TWSG1: variants seen among roughly 807,000 people sequenced by gnomAD.
TWSG1 encodes the protein twisted gastrulation BMP signaling modulator 1.
A neutral mutation model predicts 23.0 loss-of-function variants in TWSG1; 15 were observed. The ratio of observed to expected loss-of-function variants is 0.65; its 90% confidence interval spans 0.44 to 1.00. The LOEUF (loss-of-function observed/expected upper bound fraction) is 1.00, where lower values mean the gene tolerates loss of function less well. Ranked by LOEUF, TWSG1 falls within the 50% of genes least tolerant of loss-of-function variation. The probability of loss-of-function intolerance (pLI) is 0.00; values close to 1 mark genes in which losing one functional copy is unlikely to be tolerated. For missense variants in TWSG1, 242 were observed against 278.7 expected (o/e 0.87, Z 0.94); for synonymous variants, 86 against 92.8 (o/e 0.93, Z 0.42).
intron 3 of TWSG1, among the ~76,000 whole-genome samples, chr18:9,362,242 A>G (rs1471508913): frequency 6.6e-6 from 1 of 152,048 alleles, no homozygotes; most frequent in Non-Finnish European, 1.5e-5. Context: ...GGGTCTTGCT[A>G]TGTTGCCTAG....
In TWSG1 at chr18:9,343,507, C is replaced by T. The variant is rs182929947; in HGVS notation, c.123+6155C>T. On this transcript the variant is annotated intron_variant, in intron 2 of 4. Coordinates refer to ENST00000262120, the MANE Select transcript of TWSG1 (RefSeq NM_020648.6). ...TTGGCATATCGACAGACTTGTGCAA[C>T]CATCACCACAATCTAATTTCAGAAC... 2.4e-3 allele frequency among the ~76,000 whole-genome samples: 367 copies of T among 151,998 alleles called. 1 individual carries two copies. The highest frequency in any genetic ancestry group is 6.8e-3 in the Middle Eastern group (2 of 294).
At chr18:9,383,677 A>C (rs972853259) in intron 3 of TWSG1, among the ~76,000 whole-genome samples, 2 of 152,176 alleles carry the variant, frequency 1.3e-5, no homozygotes, top group East Asian at 3.8e-4. Context: ...TTGGAGGGAA[A>C]CTGTCAGAGT....
intron 3 of TWSG1, among the ~76,000 whole-genome samples, chr18:9,382,659 T>C (rs1198110690): frequency 6.6e-6 from 1 of 151,560 alleles, no homozygotes; most frequent in Non-Finnish European, 1.5e-5. Context: ...ATAAAAAAAT[T>C]AGCTGGGCGT....
At chr18:9,360,816 C>T (rs1403541419) in intron 3 of TWSG1, among the ~76,000 whole-genome samples, 1 of 152,132 alleles carries the variant, frequency 6.6e-6, no homozygotes, top group Non-Finnish European at 1.5e-5. Flanking sequence ...TCAGTTCTTT[C>T]CAAGCCTTTG....
chr18:9,352,161 T>C (rs768121686), intron 2 of TWSG1, among the ~76,000 whole-genome samples: 1 of 152,204 alleles, frequency 6.6e-6, no homozygotes, highest in Non-Finnish European at 1.5e-5. Context: ...CAGAATGTTA[T>C]ATAAAAGGAA....
chr18:9,373,561 C>T (rs990261903), intron 3 of TWSG1, among the ~76,000 whole-genome samples: 2 of 152,082 alleles, frequency 1.3e-5, no homozygotes, highest in Non-Finnish European at 2.9e-5. Context: ...AAAAACAAAA[C>T]TCTGTGAGGC....
Position 9,337,251 on chromosome 18 carries a change from G to A in TWSG1, c.22G>A (p.Val8Met), listed in dbSNP as rs751201828. Residue 8 changes from valine (V) to methionine (M), a missense_variant, in exon 2 of 5, where the codon GTG becomes ATG. Transcript: ENST00000262120. MKLHYVA[V>M]LTLAILMFLT... ...AAACATGAAGTTACACTATGTTGCTGTGCTTACTCTAGCCATCCTGATGTT... is the reference window on the plus strand; with the variant it reads ...AAACATGAAGTTACACTATGTTGCTATGCTTACTCTAGCCATCCTGATGTT... The A allele has an allele frequency of 3.1e-6, 5 of 1,612,594 alleles. No homozygotes were observed. The highest frequency in any genetic ancestry group is 2.2e-5 in the South Asian group (2 of 91,076).
At chr18:9,389,133 T>C (rs959103755) in intron 3 of TWSG1, among the ~76,000 whole-genome samples, 22 of 152,072 alleles carry the variant, frequency 1.4e-4, no homozygotes, top group African/African-American at 5.1e-4. Flanking sequence ...TGCACCACCA[T>C]GCCAGGCTAA....
At chr18:9,380,009 G>A (rs2040648780) in intron 3 of TWSG1, among the ~76,000 whole-genome samples, 1 of 152,148 alleles carries the variant, frequency 6.6e-6, no homozygotes, top group Non-Finnish European at 1.5e-5. Flanking sequence ...AAAAGATCCT[G>A]ATTTCTTAAC....
At chr18:9,351,622 G>GTTT (rs71168051) in intron 2 of TWSG1, among the ~76,000 whole-genome samples, 1 of 116,608 alleles carries the variant, frequency 8.6e-6, no homozygotes, top group African/African-American at 3.1e-5. Context: ...ACCATGCTGG[G>GTTT]TTTTTTTTTT....
chr18:9,345,922 A>G (rs1024335326), intron 2 of TWSG1, among the ~76,000 whole-genome samples: 2 of 152,150 alleles, frequency 1.3e-5, no homozygotes, highest in Non-Finnish European at 1.5e-5. Context: ...AGTTTCTTCT[A>G]TTATTAACAT....
At position 9,376,461 on chromosome 18, in the gene TWSG1, A is replaced by T. The variant is rs532059000; in HGVS notation, c.223+16390A>T. ...GACAAATAGATGAAAGGAAAATAAT[A>T]GCCCAGAAACTGACCCACATAAATA... On this transcript the variant is annotated intron_variant, in intron 3 of 4. Coordinates refer to ENST00000262120, the MANE Select transcript of TWSG1 (RefSeq NM_020648.6). Among the ~76,000 whole-genome samples, 67 of 152,318 alleles carry T rather than the reference A, an allele frequency of 4.4e-4. 1 individual carries two copies. The highest frequency in any genetic ancestry group is 1.6e-3 in the African/African-American group (67 of 41,574).
chr18:9,388,826 A>G (rs2040697702), intron 3 of TWSG1, among the ~76,000 whole-genome samples: 2 of 152,144 alleles, frequency 1.3e-5, no homozygotes, highest in African/African-American at 4.8e-5. Flanking sequence ...AGTGACTGGG[A>G]CTACAGATGT....
At chr18:9,340,564 T>G (rs2040442310) in intron 2 of TWSG1, among the ~76,000 whole-genome samples, 1 of 152,146 alleles carries the variant, frequency 6.6e-6, no homozygotes, top group Non-Finnish European at 1.5e-5. Flanking sequence ...TTCCTCTTAC[T>G]ATGGCTGTGT....
intron 3 of TWSG1, among the ~76,000 whole-genome samples, chr18:9,364,662 T>C (rs185185402): frequency 0.031 from 4,681 of 151,986 alleles, 123 homozygotes; most frequent in Non-Finnish European, 0.048. Flanking sequence ...GGTGTGGTGG[T>C]AGGCACCTGT....
chr18:9,359,299 G>A (rs1025246451), intron 2 of TWSG1, among the ~76,000 whole-genome samples: 1 of 152,102 alleles, frequency 6.6e-6, no homozygotes, highest in African/African-American at 2.4e-5. Context: ...AAGAGAAAGA[G>A]TAGATGCACT....
rs75708471 is a variant in TWSG1 at position 9,392,416 on chromosome 18, G to A, written c.224-3864G>A. On this transcript the variant is annotated intron_variant, in intron 3 of 4. Coordinates refer to ENST00000262120, the MANE Select transcript of TWSG1 (RefSeq NM_020648.6). ...GCCAGCTTCAGACTTTTCTTCTGTAGCTTCCTTACCTCTCTCAGCCTTCAC... is the reference window on the plus strand; with the variant it reads ...GCCAGCTTCAGACTTTTCTTCTGTAACTTCCTTACCTCTCTCAGCCTTCAC... 7.7e-3 allele frequency among the ~76,000 whole-genome samples: 1,170 copies of A among 152,310 alleles called. 53 individuals are homozygous for A. In the East Asian group the frequency reaches 0.13, roughly 17 times the overall value.
At chr18:9,360,386 A>C (rs2040547005) in intron 3 of TWSG1, among the ~76,000 whole-genome samples, 1 of 152,102 alleles carries the variant, frequency 6.6e-6, no homozygotes. Flanking sequence ...TTTAATAAGA[A>C]GTAGGTTTTA....
At chr18:9,393,120 T>C (rs1302475560) in intron 3 of TWSG1, among the ~76,000 whole-genome samples, 5 of 152,250 alleles carry the variant, frequency 3.3e-5, no homozygotes, top group Non-Finnish European at 7.3e-5. Flanking sequence ...GAGCCCATGC[T>C]ATTGGGAAAA....
Sources: gnomAD v4.1 joint callset for allele counts (sites outside exome capture counted in the v4.1 genomes callset) on GRCh38, gnomAD v4.1.1 for gene constraint, MANE v1.5 for transcripts, NCBI Gene and HGNC (gene_info 2026-07-23, HGNC 2026-07-21) for gene names.